The following SNX29 variants were observed in gnomAD, a reference collection of about 807,000 sequenced individuals.
SNX29 encodes the protein sorting nexin-29.
Under a neutral mutation model 102.1 loss-of-function variants are expected in SNX29, and 78 were observed. That is an observed-to-expected ratio of 0.76 (90% CI 0.64 to 0.92). The LOEUF is 0.92. SNX29 is among the 40% of genes least tolerant of loss of function. SNX29 has a pLI of 0.00. For synonymous variants in SNX29, 580 were observed against 414.5 expected (o/e 1.40, Z -4.85); for missense variants, 1,280 against 1,061.7 (o/e 1.21, Z -2.86).
intron 20 of SNX29, among the ~76,000 whole-genome samples, chr16:12,543,251 T>A (rs896338186): frequency 6.6e-6 from 1 of 152,206 alleles, no homozygotes; most frequent in African/African-American, 2.4e-5. Context: ...TTCTGAATGA[T>A]GCAGCTCTGG....
At chr16:12,118,427 C>T (rs956170458) in intron 11 of SNX29, among the ~76,000 whole-genome samples, 4 of 147,732 alleles carry the variant, frequency 2.7e-5, no homozygotes, top group Non-Finnish European at 5.9e-5. Flanking sequence ...TTCAAGTCAT[C>T]CCCTGCCTCA....
intron 15 of SNX29, among the ~76,000 whole-genome samples, chr16:12,291,171 G>A (rs2079780574): frequency 6.6e-6 from 1 of 151,974 alleles, no homozygotes; most frequent in African/African-American, 2.4e-5. Flanking sequence ...CATCATTTTT[G>A]GTAGCTGTTA....
chr16:12,476,401 T>C (rs866275943), intron 18 of SNX29, among the ~76,000 whole-genome samples: 4 of 18,356 alleles, frequency 2.2e-4, no homozygotes, highest in African/African-American at 4.0e-4. Context: ...TATATATATA[T>C]ATATATATAT....
intron 20 of SNX29, among the ~76,000 whole-genome samples, chr16:12,540,186 G>T (rs1442372448): frequency 7.2e-5 from 11 of 151,986 alleles, no homozygotes; most frequent in Admixed American, 7.2e-4. Flanking sequence ...GTGGACTTTT[G>T]TGTCAGGTCC....
intron 15 of SNX29, among the ~76,000 whole-genome samples, chr16:12,298,444 G>T (rs916439289): frequency 1.3e-5 from 2 of 152,062 alleles, no homozygotes; most frequent in East Asian, 1.9e-4. Context: ...ACCTTTCTTT[G>T]CCATGAACAA....
intron 15 of SNX29, among the ~76,000 whole-genome samples, chr16:12,292,895 A>C (rs2079847967): frequency 6.6e-6 from 1 of 152,210 alleles, no homozygotes; most frequent in Non-Finnish European, 1.5e-5. Flanking sequence ...AACCTTGTTT[A>C]AGTTCTTACA....
chr16:12,295,432 A>G (rs2079948043), intron 15 of SNX29, among the ~76,000 whole-genome samples: 1 of 152,208 alleles, frequency 6.6e-6, no homozygotes, highest in African/African-American at 2.4e-5. Flanking sequence ...TGTTTTTGAG[A>G]AAACAACTCT....
At chr16:12,269,060 G>A (rs2079016491) in intron 14 of SNX29, among the ~76,000 whole-genome samples, 1 of 152,202 alleles carries the variant, frequency 6.6e-6, no homozygotes, top group South Asian at 2.1e-4. Context: ...ATTAGTTCTT[G>A]TTGAACATAA....
At chr16:12,464,281 G>A (rs1193160878) in intron 18 of SNX29, among the ~76,000 whole-genome samples, 1 of 150,938 alleles carries the variant, frequency 6.6e-6, no homozygotes, top group Non-Finnish European at 1.5e-5. Flanking sequence ...GTTTATGTGT[G>A]TGTATATAAA....
chr16:12,463,599 G>A (rs566039695), intron 18 of SNX29, among the ~76,000 whole-genome samples: 11 of 152,264 alleles, frequency 7.2e-5, no homozygotes, highest in African/African-American at 1.7e-4. Context: ...CCCACAACAC[G>A]TGGGAATTAT....
chr16:12,257,341 C>T (rs542906730), intron 14 of SNX29, among the ~76,000 whole-genome samples: 12 of 152,184 alleles, frequency 7.9e-5, no homozygotes, highest in South Asian at 2.1e-4. Context: ...TAAGGGCTCA[C>T]GTCATTAGAT....
In SNX29 at chr16:12,227,774, C is replaced by G. The variant is rs557131898; in HGVS notation, c.1678+28091C>G. On this transcript the variant is annotated intron_variant, in intron 14 of 20. Coordinates refer to ENST00000566228, the MANE Select transcript of SNX29 (RefSeq NM_032167.5). ...AAGTAGCCAGGCATGGTGGCTCGTG[C>G]TTGTAATCCCAGCTACTCGGGAGGC... Among the ~76,000 whole-genome samples, 55 of 152,026 alleles carry G rather than the reference C, an allele frequency of 3.6e-4. 1 individual carries two copies. The Middle Eastern group carries it at 0.014, about 38-fold the overall frequency.
At chr16:12,511,668 C>T (rs2089626868) in intron 19 of SNX29, among the ~76,000 whole-genome samples, 2 of 152,176 alleles carry the variant, frequency 1.3e-5, no homozygotes, top group African/African-American at 4.8e-5. Context: ...TAACATTTAG[C>T]AGTTTAATGA....
intron 13 of SNX29, among the ~76,000 whole-genome samples, chr16:12,182,965 A>T (rs567533724): frequency 6.7e-6 from 1 of 149,606 alleles, no homozygotes; most frequent in South Asian, 2.1e-4. Flanking sequence ...AAAGGACATC[A>T]TGAGCTTTGC....
At chr16:12,353,324 C>T (rs1011160669) in intron 15 of SNX29, among the ~76,000 whole-genome samples, 1 of 152,170 alleles carries the variant, frequency 6.6e-6, no homozygotes, top group Non-Finnish European at 1.5e-5. Flanking sequence ...TCTGCCACTT[C>T]CTCCATGTCT....
intron 4 of SNX29, among the ~76,000 whole-genome samples, chr16:12,036,654 G>A (rs1398073355): frequency 6.6e-6 from 1 of 151,826 alleles, no homozygotes; most frequent in African/African-American, 2.4e-5. Context: ...TTTTGTTTTT[G>A]TTGTTGTTGT....
chr16:12,079,660 G>C (rs1298228949), intron 11 of SNX29, among the ~76,000 whole-genome samples: 1 of 152,204 alleles, frequency 6.6e-6, no homozygotes, highest in Non-Finnish European at 1.5e-5. Context: ...AAGCCATTCA[G>C]ACCTACTCTT....
chr16:12,454,484 C>A (rs937803431), intron 18 of SNX29, among the ~76,000 whole-genome samples: 1 of 152,198 alleles, frequency 6.6e-6, no homozygotes, highest in African/African-American at 2.4e-5. Flanking sequence ...TGACATAGCA[C>A]ATGGCGTTTA....
chr16:12,054,489 C>T (rs2050438531), intron 8 of SNX29, among the ~76,000 whole-genome samples: 1 of 152,214 alleles, frequency 6.6e-6, no homozygotes, highest in African/African-American at 2.4e-5. Context: ...TCATCCAATC[C>T]ATTGAAGGCC....
Sources: gnomAD v4.1 joint callset for allele counts (sites outside exome capture counted in the v4.1 genomes callset) on GRCh38, gnomAD v4.1.1 for gene constraint, MANE v1.5 for transcripts, NCBI Gene and HGNC (gene_info 2026-07-23, HGNC 2026-07-21) for gene names.